Variants in MYO18A observed in about 807,000 individuals in gnomAD.
The protein encoded by MYO18A is unconventional myosin-XVIIIa.
In MYO18A, 78 loss-of-function variants were observed where a neutral mutation model predicts 235.8. The ratio of observed to expected loss-of-function variants is 0.33; its 90% CI spans 0.28 to 0.40. MYO18A has a LOEUF of 0.40. MYO18A is among the 10% of genes least tolerant of loss of function. The pLI is 1.00. For synonymous variants in MYO18A, 977 were observed against 1,077.8 expected (o/e 0.91, Z 1.83); for missense variants, 2,215 against 2,699.3 (o/e 0.82, Z 3.98).
intron 2 of MYO18A, chr17:29,127,840 A>G (rs9901284): frequency 0.058 from 56,981 of 985,992 alleles, 2,190 homozygotes; most frequent in African/African-American, 0.16. Context: ...GGTTAGTGAC[A>G]CACTCTTGTA....
chr17:29,125,853 G>A lies in MYO18A; in HGVS notation c.1000-3600C>T. On this transcript the variant is annotated intron_variant, in intron 2 of 41. Coordinates refer to ENST00000527372, the MANE Select transcript of MYO18A (RefSeq NM_078471.4). The surrounding 1 kb of genome is among the most constrained non-coding windows in gnomAD (Gnocchi z 5.1). Reference sequence around the variant, plus strand: ...TCCTGCCGCCAGCCTCAGGAAGAGGGCGGCCAGGGACTGGGACCCACACAC... The same window carrying A: ...TCCTGCCGCCAGCCTCAGGAAGAGGACGGCCAGGGACTGGGACCCACACAC... The A allele has an allele frequency of 2.1e-6, 2 of 968,512 alleles. No individual in the cohort carries two copies. The highest frequency in any genetic ancestry group is 2.5e-6 in the Non-Finnish European group (2 of 813,878). The allele number at this position is 968,512 out of a possible 1,614,324, so 60.0% of individuals were successfully genotyped here.
chr17:29,080,784 G>A, intron 41 of MYO18A: 1 of 985,484 alleles, frequency 1.0e-6, no homozygotes, highest in Non-Finnish European at 1.2e-6. Flanking sequence ...CCGGCTCCTC[G>A]GACTTCCTGC....
intron 10 of MYO18A, among the ~76,000 whole-genome samples, chr17:29,116,721 A>ACCCC (rs1292995037): frequency 6.6e-3 from 23 of 3,468 alleles, no homozygotes; most frequent in Admixed American, 0.014. Context: ...GCGCAAACAC[A>ACCCC]CCCTCCCCCC....
At chr17:29,122,350 C>A in intron 2 of MYO18A, 97 bp from the exon 3 acceptor site, 8 of 1,082,586 alleles carry the variant, frequency 7.4e-6, no homozygotes. Flanking sequence ...GGCTTTGAGA[C>A]AAGCCACTGG....
chr17:29,086,837 T>G, intron 38 of MYO18A, 99 bp downstream of exon 38: 1 of 1,386,146 alleles, frequency 7.2e-7, no homozygotes, highest in East Asian at 2.5e-5. Flanking sequence ...ATGTGCAGTT[T>G]CTTTGCACCC....
Position 29,120,476 on chromosome 17 carries a change from G to T in MYO18A, c.1728+140C>A. ...AATGGTGATGCCTCTGGATAGTGCA[G>T]GCCAACCCTGCCCATGCCTGGGTCA... On this transcript the variant is annotated intron_variant, in intron 7 of 41. Coordinates refer to ENST00000527372, the MANE Select transcript of MYO18A (RefSeq NM_078471.4). The surrounding 1 kb of genome is among the most constrained non-coding windows in gnomAD (Gnocchi z 4.2). The T allele has an allele frequency of 8.6e-7, 1 of 1,169,324 alleles. No individual in the cohort carries two copies. Among genetic ancestry groups the T allele is most frequent in the Non-Finnish European group, 1.2e-6 (1 of 838,518 alleles). 72.4% of individuals were successfully genotyped at this position (1,169,324 alleles called of 1,614,324 possible). A position where few individuals can be genotyped will look rare whatever the true frequency, so the allele number is the denominator to read the frequency against.
intron 34 of MYO18A, chr17:29,091,256 C>T: frequency 2.9e-6 from 1 of 341,142 alleles, no homozygotes; most frequent in Non-Finnish European, 5.6e-6. Flanking sequence ...TCAGTCCAGG[C>T]CCTGGCCTGC....
chr17:29,120,786 C>T lies in MYO18A; in HGVS notation c.1586-28G>A, dbSNP rs200114049. 1.4e-4 allele frequency: 231 copies of T among 1,601,746 alleles called. 1 individual carries two copies. The African/African-American group carries it at 2.8e-3, about 19-fold the overall frequency. Reference sequence around the variant, plus strand: ...GCAGAATACAGGCCCAAGGGGATATCAGGAAAGCCAGGGGCAGCTTATCCC... The same window carrying T: ...GCAGAATACAGGCCCAAGGGGATATTAGGAAAGCCAGGGGCAGCTTATCCC... On this transcript the variant is annotated intron_variant, in intron 6 of 41. Coordinates refer to ENST00000527372, the MANE Select transcript of MYO18A (RefSeq NM_078471.4). The surrounding 1 kb of genome is among the most constrained non-coding windows in gnomAD (Gnocchi z 4.2).
rs2068107066 is a variant in MYO18A at position 29,158,522 on chromosome 17, T to C, written c.999+7420A>G. Among the ~76,000 whole-genome samples, 1 of 152,208 alleles carries C rather than the reference T, an allele frequency of 6.6e-6. No individual in the cohort carries two copies. Among genetic ancestry groups the C allele is most frequent in the African/African-American group, 2.4e-5 (1 of 41,456 alleles). On this transcript the variant is annotated intron_variant, in intron 2 of 41. Transcript: ENST00000527372. The surrounding 1 kb of genome is among the most constrained non-coding windows in gnomAD (Gnocchi z 4.3). ...ACTCCGCTCTTTCGCAGTGGCTGTC[T>C]GGCATGGTGGGCGCCCTCAGTGCTG... is the stretch of plus-strand genomic sequence containing the variant.
rs78400786 is a variant in MYO18A, at chr17:29,136,719, C to T, written c.1000-14466G>A. The stretch of plus-strand genomic sequence containing the variant: ...ACTTGAACCCACACTGGTCTGCCTC[C>T]AAAGCCTGTGCTGCTTCCTCAGTGC... On this transcript the variant is annotated intron_variant, in intron 2 of 41. Transcript: ENST00000527372. 2.1e-3 allele frequency among the ~76,000 whole-genome samples: 316 copies of T among 152,328 alleles called. 1 individual carries two copies. The highest frequency in any genetic ancestry group is 6.9e-3 in the African/African-American group (288 of 41,578).
Position 29,120,852 on chromosome 17 carries a change from A to G in MYO18A, c.1586-94T>C. On this transcript the variant is annotated intron_variant, in intron 6 of 41. Transcript: ENST00000527372. This position sits in a 1 kb window ranked among gnomAD's most constrained non-coding sequence, Gnocchi z 4.2. ...CCCAGAGGTATGAAGGCTTGGGGCCATTCAGACCAGAACTGCCCGTGGACA... is the reference window on the plus strand; with the variant it reads ...CCCAGAGGTATGAAGGCTTGGGGCCGTTCAGACCAGAACTGCCCGTGGACA... 2.6e-6 allele frequency: 4 copies of G among 1,565,482 alleles called. No homozygotes were observed. The highest frequency in any genetic ancestry group is 3.5e-6 in the Non-Finnish European group (4 of 1,151,464).
chr17:29,098,307 G>A (rs1461239122), intron 24 of MYO18A, 49 bp downstream of exon 24: 1 of 1,611,424 alleles, frequency 6.2e-7, no homozygotes, highest in Non-Finnish European at 8.5e-7. Context: ...GCAGGGGCTG[G>A]GTCTCCCTGC....
At position 29,121,969 on chromosome 17, in the gene MYO18A, G is replaced by A; in HGVS notation, c.1088-12C>T. On this transcript the variant is annotated splice_polypyrimidine_tract_variant and intron_variant, in intron 3 of 41. Transcript: ENST00000527372. The surrounding 1 kb of genome is among the most constrained non-coding windows in gnomAD (Gnocchi z 4.2). ...TTTGAGTTGACTGGCTGCAGGGGAG[G>A]GACAGACAGCTGGGATGGGCCTGGG... is the stretch of plus-strand genomic sequence containing the variant. 1 of 1,612,950 alleles carries A rather than the reference G, an allele frequency of 6.2e-7. No homozygotes were observed. The highest frequency in any genetic ancestry group is 1.3e-5 in the African/African-American group (1 of 75,006).
intron 21 of MYO18A, among the ~76,000 whole-genome samples, chr17:29,101,990 G>T (rs561893106): frequency 1.3e-4 from 20 of 152,266 alleles, no homozygotes; most frequent in Admixed American, 2.0e-4. Flanking sequence ...CTCAGATGAA[G>T]ACCCCCCTCC....
chr17:29,149,402 A>C (rs1345756699), intron 2 of MYO18A, among the ~76,000 whole-genome samples: 3 of 152,200 alleles, frequency 2.0e-5, no homozygotes, highest in Admixed American at 1.3e-4. Context: ...GCAATCAGGA[A>C]GGTCAGTGGG....
intron 41 of MYO18A, chr17:29,075,897 C>T (rs1184790485): frequency 1.3e-5 from 2 of 153,472 alleles, no homozygotes; most frequent in Non-Finnish European, 2.9e-5. Context: ...AGCTGCAGCC[C>T]TGCCTCCAGA....
chr17:29,140,344 A>G lies in MYO18A; in HGVS notation c.1000-18091T>C. 7.8e-7 allele frequency: 1 copy of G among 1,275,128 alleles called. No individual in the cohort carries two copies. Among genetic ancestry groups the G allele is most frequent in the South Asian group, 1.3e-5 (1 of 79,416 alleles). 79.0% of individuals were successfully genotyped at this position (1,275,128 alleles called of 1,614,324 possible). ...GGGGGTCAGAGGGACACTCACCCGC[A>G]TGGCCTGGCCTGGAGCAGCCCAGAG... On this transcript the variant is annotated intron_variant, in intron 2 of 41. Transcript: ENST00000527372. The surrounding 1 kb of genome is among the most constrained non-coding windows in gnomAD (Gnocchi z 4.2).
Position 29,166,363 on chromosome 17 carries a change from G to T in MYO18A, c.578C>A (p.Ala193Asp). 1 of 1,613,232 alleles carries T rather than the reference G, an allele frequency of 6.2e-7. No homozygotes were observed. ...GAACTTTTTAGTCACTAGCTCAGGG[G>T]CTCGGGATCGGTGCCCTGGTCGAGG... is the stretch of plus-strand genomic sequence containing the variant. ...GIPRPGHRSR[A>D]PELVTKKFPV... is the part of the protein sequence containing the mutation. Residue 193 changes from alanine (A) to aspartate (D), a missense_variant, in exon 2 of 42, where the codon GCC becomes GAC. Coordinates refer to ENST00000527372, the MANE Select transcript of MYO18A (RefSeq NM_078471.4).
At chr17:29,136,338 C>T (rs2152915301) in intron 2 of MYO18A, among the ~76,000 whole-genome samples, 1 of 141,420 alleles carries the variant, frequency 7.1e-6, no homozygotes, top group South Asian at 2.2e-4. Flanking sequence ...AAAAAAAGAT[C>T]AAGTTACTGT....
Sources: gnomAD v4.1 joint callset for allele counts (sites outside exome capture counted in the v4.1 genomes callset) on GRCh38, gnomAD v4.1.1 for gene constraint, Gnocchi (gnomAD v3.1) non-coding constraint, MANE v1.5 for transcripts, NCBI Gene and HGNC (gene_info 2026-07-23, HGNC 2026-07-21) for gene names.